Variants in BEST3 observed in about 807,000 individuals in gnomAD.
BEST3 encodes bestrophin-3.
In BEST3, 50 loss-of-function variants were observed where a neutral mutation model predicts 47.1. That is an observed-to-expected ratio of 1.06 (90% CI 0.85 to 1.34). The LOEUF is 1.34. BEST3 is among the 40% of genes most tolerant of loss of function. The pLI is 0.00. For synonymous variants in BEST3, 282 were observed against 298.8 expected (o/e 0.94, Z 0.58); for missense variants, 765 against 817.0 (o/e 0.94, Z 0.78).
At chr12:69,645,782 A>G (rs543088937) in intron 9 of BEST3, among the ~76,000 whole-genome samples, 1 of 121,964 alleles carries the variant, frequency 8.2e-6, no homozygotes, top group African/African-American at 3.7e-5. Flanking sequence ...GGCACATCCT[A>G]AGTACCCAAT....
At chr12:69,653,261 G>A (rs1883271758), downstream of BEST3, among the ~76,000 whole-genome samples, 3 of 152,196 alleles carry the variant, frequency 2.0e-5, no homozygotes, top group Admixed American at 1.3e-4. Flanking sequence ...AGACTTGAGC[G>A]GGGAGGACCC....
intron 4 of BEST3, among the ~76,000 whole-genome samples, chr12:69,687,858 T>C (rs1198984726): frequency 6.6e-6 from 1 of 152,200 alleles, no homozygotes; most frequent in African/African-American, 2.4e-5. Flanking sequence ...ATGACAATGA[T>C]TAATTTAAGA....
chr12:69,686,822 T>C lies in BEST3; in HGVS notation c.481+6852A>G, dbSNP rs193263445. Among the ~76,000 whole-genome samples the C allele has an allele frequency of 1.1e-4, 15 of 131,760 alleles. No individual in the cohort carries two copies. The Admixed American group carries it at 1.1e-3, about 10-fold the overall frequency. The allele number at this position is 131,760 out of a possible 152,430, so 86.4% of individuals were successfully genotyped here. Reference sequence around the variant, plus strand: ...AAGAAAAAAAGAAAGAAGGAAAATATGCTGACCAACAGCTCTGGGAATGGG... The same window carrying C: ...AAGAAAAAAAGAAAGAAGGAAAATACGCTGACCAACAGCTCTGGGAATGGG... On this transcript the variant is annotated intron_variant, in intron 4 of 9. Transcript: ENST00000330891.
chr12:69,687,874 T>C (rs1318196746), intron 4 of BEST3, among the ~76,000 whole-genome samples: 1 of 152,196 alleles, frequency 6.6e-6, no homozygotes, highest in African/African-American at 2.4e-5. Flanking sequence ...TAAGATAAGA[T>C]TTGTAGTAAA....
chr12:69,678,627 C>A, intron 5 of BEST3, 112 bp downstream of exon 5: 1 of 1,006,350 alleles, frequency 9.9e-7, no homozygotes, highest in Non-Finnish European at 1.5e-6. Flanking sequence ...CTTTCCAGTT[C>A]CTCTGGAACC....
Position 69,694,489 on chromosome 12 carries a change from C to G in BEST3, c.153-25G>C, listed in dbSNP as rs377476137. 4 of 1,365,816 alleles carry G rather than the reference C, an allele frequency of 2.9e-6. No homozygotes were observed. In the African/African-American group the frequency reaches 5.8e-5, roughly 20 times the overall value. 84.6% of individuals were successfully genotyped at this position (1,365,816 alleles called of 1,614,324 possible). A position where few individuals can be genotyped will look rare whatever the true frequency, so the allele number is the denominator to read the frequency against. ...TCTGGAGCAAAAATAAAATGCACAG[C>G]CCTTTATGATATTATACTTCTGCAC... On this transcript the variant is annotated intron_variant, in intron 2 of 9. Coordinates refer to ENST00000330891, the MANE Select transcript of BEST3 (RefSeq NM_032735.3).
chr12:69,677,277 A>G lies in BEST3; in HGVS notation c.637-20T>C. ...CATTTCCTAAGCCAGAAACAGATCA[A>G]GCATGATTTACTAAGATGACGGGTG... On this transcript the variant is annotated intron_variant, in intron 5 of 9. Coordinates refer to ENST00000330891, the MANE Select transcript of BEST3 (RefSeq NM_032735.3). 3 of 1,595,974 alleles carry G rather than the reference A, an allele frequency of 1.9e-6. No individual in the cohort carries two copies. The highest frequency in any genetic ancestry group is 2.6e-6 in the Non-Finnish European group (3 of 1,169,660).
chr12:69,694,284 C>T, intron 3 of BEST3, 86 bp downstream of exon 3: 1 of 819,140 alleles, frequency 1.2e-6, no homozygotes, highest in Non-Finnish European at 1.9e-6. Context: ...TGCCTCTCAG[C>T]TTGGAAACAC....
At chr12:69,672,591 A>G (rs959302351) in intron 8 of BEST3, among the ~76,000 whole-genome samples, 1 of 152,208 alleles carries the variant, frequency 6.6e-6, no homozygotes, top group African/African-American at 2.4e-5. Context: ...CTAAAGAACA[A>G]TTTAAAATAC....
intron 9 of BEST3, among the ~76,000 whole-genome samples, chr12:69,662,963 C>A (rs185837354): frequency 6.6e-6 from 1 of 152,334 alleles, no homozygotes; most frequent in East Asian, 1.9e-4. Context: ...AGCCTCTCTT[C>A]TCCAGAATTT....
chr12:69,653,104 T>C (rs1430747839), downstream of BEST3, among the ~76,000 whole-genome samples: 1 of 152,236 alleles, frequency 6.6e-6, no homozygotes, highest in African/African-American at 2.4e-5. Flanking sequence ...GAAAATGTGC[T>C]AATTTGAACA....
intron 9 of BEST3, chr12:69,670,221 T>C: frequency 4.0e-6 from 2 of 496,210 alleles, no homozygotes; most frequent in East Asian, 6.4e-5. Flanking sequence ...CAACAAGAGA[T>C]TCCTATCCAT....
chr12:69,643,593 G>C, exon 10 of BEST3: 1 of 565,008 alleles, frequency 1.8e-6, no homozygotes, highest in Non-Finnish European at 3.3e-6. Flanking sequence ...ATGCCTGGAT[G>C]CTAAAAAGTG....
At position 69,655,070 on chromosome 12, in the gene BEST3, G is replaced by A. The variant is rs779828149; in HGVS notation, c.1844C>T (p.Pro615Leu). 3 of 1,614,168 alleles carry A rather than the reference G, an allele frequency of 1.9e-6. No individual in the cohort carries two copies. In the Admixed American group the frequency reaches 5.0e-5, roughly 27 times the overall value. The part of the protein sequence containing the change: ...NLSPDPMSSQ[P>L]ALLIDTETSS... ...TGTTTCTGTGTCAATTAAAAGAGCT[G>A]GCTGAGAGCTCATGGGGTCTGGACT... Residue 615 changes from proline (P) to leucine (L), a missense_variant, in exon 10 of 10, where the codon CCA becomes CTA. By Grantham distance (98) the Pro-to-Leu change is moderately conservative. Coordinates refer to ENST00000330891, the MANE Select transcript of BEST3 (RefSeq NM_032735.3).
At chr12:69,669,354 C>G (rs980312933) in intron 9 of BEST3, among the ~76,000 whole-genome samples, 4 of 152,152 alleles carry the variant, frequency 2.6e-5, no homozygotes, top group African/African-American at 7.2e-5. Context: ...TCTAGCAGAT[C>G]GAGTTAAACC....
downstream of BEST3, among the ~76,000 whole-genome samples, chr12:69,653,313 G>A (rs1488788625): frequency 1.3e-5 from 2 of 152,214 alleles, no homozygotes; most frequent in African/African-American, 4.8e-5. Flanking sequence ...CTGAATCTGT[G>A]AGTTGGGCAT....
intron 8 of BEST3, 95 bp from the exon 9 acceptor site, chr12:69,671,674 A>G (rs1164112392): frequency 1.8e-6 from 2 of 1,138,922 alleles, no homozygotes; most frequent in East Asian, 4.8e-5. Context: ...TTGGGCTAGG[A>G]CACAGTCTAA....
At chr12:69,670,654 C>T in intron 9 of BEST3, 1 of 669,102 alleles carries the variant, frequency 1.5e-6, no homozygotes, top group Non-Finnish European at 2.7e-6. Context: ...CCACAGGACA[C>T]AAACCCACTG....
Position 69,671,455 on chromosome 12 carries a change from G to A in BEST3, c.1073C>T (p.Ser358Leu). Residue 358 changes from serine (S) to leucine (L), a missense_variant, in exon 9 of 10, where the codon TCA becomes TTA. Physicochemically the swap from Ser to Leu is moderately radical, Grantham distance 145. Coordinates refer to ENST00000330891, the MANE Select transcript of BEST3 (RefSeq NM_032735.3). Reference sequence around the variant, plus strand: ...CATCTGGACTGTTGACCCCAGAAATGAGGGTATGCAGTAGTCAGCAGCTGC... The same window carrying A: ...CATCTGGACTGTTGACCCCAGAAATAAGGGTATGCAGTAGTCAGCAGCTGC... Reference protein sequence around the residue: ...TLAAADYCIPSFLGSTVQMGL... With the variant: ...TLAAADYCIPLFLGSTVQMGL... 6.2e-7 allele frequency: 1 copy of A among 1,613,896 alleles called. No homozygotes were observed. Among genetic ancestry groups the A allele is most frequent in the Non-Finnish European group, 8.5e-7 (1 of 1,179,934 alleles).
Sources: gnomAD v4.1 joint callset for allele counts (sites outside exome capture counted in the v4.1 genomes callset) on GRCh38, gnomAD v4.1.1 for gene constraint, MANE v1.5 for transcripts, NCBI Gene and HGNC (gene_info 2026-07-23, HGNC 2026-07-21) for gene names.